The following PDHX variants were observed in gnomAD, a reference collection of about 807,000 sequenced individuals.
PDHX encodes pyruvate dehydrogenase protein X component, mitochondrial.
PDHX carries 33 observed loss-of-function variants against 55.3 expected under a neutral mutation model. The ratio of observed to expected loss-of-function variants is 0.60; its 90% CI spans 0.45 to 0.80. The LOEUF is 0.80. Among genes scored for constraint, PDHX ranks in the 30% least tolerant of loss-of-function variants. PDHX has a pLI of 0.00. For synonymous variants in PDHX, 226 were observed against 219.4 expected (o/e 1.03, Z -0.27); for missense variants, 622 against 619.9 (o/e 1.00, Z -0.04).
In PDHX at chr11:34,991,467, C is replaced by A. The variant is rs547696674; in HGVS notation, c.1183-848C>A. 2.0e-5 allele frequency among the ~76,000 whole-genome samples: 3 copies of A among 152,162 alleles called. No individual in the cohort carries two copies. In the East Asian group the frequency reaches 5.8e-4, roughly 29 times the overall value. On this transcript the variant is annotated intron_variant, in intron 9 of 10. Coordinates refer to ENST00000227868, the MANE Select transcript of PDHX (RefSeq NM_003477.3). ...CACAGAAGATACATATAATATTGAA[C>A]AATTAAATATAAAATTTATTTTTTA...
chr11:34,973,922 T>C (rs1259201824), intron 7 of PDHX, among the ~76,000 whole-genome samples: 1 of 152,238 alleles, frequency 6.6e-6, no homozygotes, highest in African/African-American at 2.4e-5. Context: ...TAATGCTTCT[T>C]ATAGTACAGA....
At chr11:34,953,943 C>T (rs2133969681) in intron 3 of PDHX, among the ~76,000 whole-genome samples, 1 of 152,346 alleles carries the variant, frequency 6.6e-6, no homozygotes, top group East Asian at 1.9e-4. Context: ...AATGTTTCTT[C>T]TTCCCCTCTG....
intron 7 of PDHX, among the ~76,000 whole-genome samples, chr11:34,977,458 A>G (rs2133990365): frequency 1.3e-5 from 2 of 152,294 alleles, no homozygotes; most frequent in South Asian, 4.1e-4. Flanking sequence ...CATTCACCAT[A>G]AAACTATGGA....
At chr11:34,936,742 A>G (rs554906169) in intron 2 of PDHX, among the ~76,000 whole-genome samples, 1 of 148,192 alleles carries the variant, frequency 6.7e-6, no homozygotes, top group Admixed American at 6.7e-5. Flanking sequence ...AAATAGATCC[A>G]CATTCATGGT....
chr11:34,945,064 A>G (rs1854590102), intron 2 of PDHX, among the ~76,000 whole-genome samples: 1 of 152,152 alleles, frequency 6.6e-6, no homozygotes, highest in South Asian at 2.1e-4. Flanking sequence ...ATTTTAAATT[A>G]AATTTTGCCA....
chr11:34,936,783 C>CT lies in PDHX; in HGVS notation c.241+5321dup, dbSNP rs58582234. 4.7e-3 allele frequency among the ~76,000 whole-genome samples: 371 copies of CT among 79,016 alleles called. 6 individuals carry two copies. The highest frequency in any genetic ancestry group is 0.02 in the African/African-American group (323 of 15,846). 51.8% of individuals were successfully genotyped at this position (79,016 alleles called of 152,430 possible). ...AATAGGAAGTGGTTTCTTTTCTTTT[C>CT]TTTTTTTTTTTTTTTTTTTTTTCTG... On this transcript the variant is annotated intron_variant, in intron 2 of 10. Coordinates refer to ENST00000227868, the MANE Select transcript of PDHX (RefSeq NM_003477.3).
chr11:34,957,729 G>GTT, intron 4 of PDHX, 146 bp downstream of exon 4: 3 of 532,096 alleles, frequency 5.6e-6, no homozygotes, highest in Non-Finnish European at 1.0e-5. Flanking sequence ...TAGAGTGTGT[G>GTT]TTTTTTTTTT....
At chr11:34,980,899 G>C (rs1412346496) in intron 8 of PDHX, among the ~76,000 whole-genome samples, 1 of 152,054 alleles carries the variant, frequency 6.6e-6, no homozygotes, top group Non-Finnish European at 1.5e-5. Flanking sequence ...ACAGAAATTT[G>C]TTTTCAGTTT....
intron 8 of PDHX, among the ~76,000 whole-genome samples, chr11:34,980,639 G>C (rs372596661): frequency 2.6e-5 from 4 of 151,888 alleles, no homozygotes; most frequent in Non-Finnish European, 4.4e-5. Context: ...TAATGATATT[G>C]TTGAATGAGT....
At chr11:34,928,444 T>G (rs10466392) in intron 1 of PDHX, among the ~76,000 whole-genome samples, 26,886 of 147,522 alleles carry the variant, frequency 0.18, 3,437 homozygotes, top group African/African-American at 0.38. Context: ...AAGATAAGAG[T>G]TTTTTTTTGC....
At chr11:34,966,482 C>T (rs1448087315) in intron 5 of PDHX, among the ~76,000 whole-genome samples, 158 bp from the exon 6 acceptor site, 1 of 152,134 alleles carries the variant, frequency 6.6e-6, no homozygotes, top group Non-Finnish European at 1.5e-5. Flanking sequence ...AGGTAAGAGA[C>T]AGGATTTAAT....
intron 8 of PDHX, among the ~76,000 whole-genome samples, chr11:34,982,862 C>T (rs975796339): frequency 2.0e-5 from 3 of 152,172 alleles, no homozygotes; most frequent in African/African-American, 7.2e-5. Flanking sequence ...GAGCTGTTAC[C>T]ATTCCTTCTG....
chr11:34,916,907 T>G, intron 1 of PDHX, 92 bp downstream of exon 1: 1 of 1,262,890 alleles, frequency 7.9e-7, no homozygotes, highest in Non-Finnish European at 1.1e-6. Context: ...CTTTTGGGTG[T>G]GAAGGTGCGC....
intron 1 of PDHX, among the ~76,000 whole-genome samples, chr11:34,930,101 G>A (rs1854120759): frequency 6.6e-6 from 1 of 152,192 alleles, no homozygotes; most frequent in African/African-American, 2.4e-5. Context: ...TGGGGCCTGT[G>A]GAGCTGCTTT....
chr11:34,979,627 T>C (rs760312770), intron 8 of PDHX, among the ~76,000 whole-genome samples: 2 of 152,184 alleles, frequency 1.3e-5, no homozygotes, highest in Non-Finnish European at 1.5e-5. Flanking sequence ...ATTATTCATA[T>C]AACTTTTCTC....
At chr11:34,961,044 G>A (rs1042994071) in intron 5 of PDHX, among the ~76,000 whole-genome samples, 1 of 151,946 alleles carries the variant, frequency 6.6e-6, no homozygotes, top group Non-Finnish European at 1.5e-5. Flanking sequence ...ATGTTTTATT[G>A]TATGCTTTAA....
intron 9 of PDHX, among the ~76,000 whole-genome samples, chr11:34,990,792 C>T (rs1477210879): frequency 6.6e-6 from 1 of 152,102 alleles, no homozygotes; most frequent in Non-Finnish European, 1.5e-5. Context: ...GTTGGCAGTA[C>T]GTTACAGTAA....
chr11:34,983,225 A>C (rs112725026), intron 8 of PDHX, among the ~76,000 whole-genome samples: 7,161 of 152,050 alleles, frequency 0.047, 532 homozygotes, highest in African/African-American at 0.16. Flanking sequence ...ATTCAACAAC[A>C]CTTCATGCTA....
intron 1 of PDHX, among the ~76,000 whole-genome samples, chr11:34,927,097 C>T (rs1028991426): frequency 6.6e-5 from 10 of 152,068 alleles, no homozygotes; most frequent in African/African-American, 2.4e-4. Context: ...GGACCACATA[C>T]ATTACAATAG....
Sources: allele counts gnomAD v4.1 joint callset (sites outside exome capture counted in the v4.1 genomes callset), GRCh38; gene constraint gnomAD v4.1.1; transcripts MANE v1.5; gene names NCBI Gene and HGNC (gene_info 2026-07-23, HGNC 2026-07-21).